Variants in PCDHGC3 observed in about 807,000 individuals in gnomAD.
The protein encoded by PCDHGC3 is protocadherin gamma-C3.
A neutral mutation model predicts 59.2 loss-of-function variants in PCDHGC3; 26 were observed. The ratio of observed to expected loss-of-function variants is 0.44; its 90% CI spans 0.32 to 0.61. The LOEUF is 0.61. Ranked by LOEUF, PCDHGC3 falls within the 20% of genes least tolerant of loss-of-function variation. PCDHGC3 has a pLI of 0.05. For synonymous variants in PCDHGC3, 487 were observed against 519.7 expected, an observed-to-expected ratio of 0.94 and a Z score of 0.86; for missense variants, 1,080 against 1,221.8, an observed-to-expected ratio of 0.88 and a Z score of 1.73.
rs769074023 is a variant in PCDHGC3, at chr5:141,491,738, G to A, written c.2431-3069G>A. ...GCGCCGCCCCGGGCGACCCCTGGGG[G>A]CGGCACTGGAGAAGCCGCCCGTCCT... On this transcript the variant is annotated intron_variant, in intron 1 of 3. Transcript: ENST00000308177. The surrounding 1 kb of genome is among the most constrained non-coding windows in gnomAD (Gnocchi z 6.9). 6.2e-7 allele frequency: 1 copy of A among 1,600,346 alleles called. No homozygotes were observed. The highest frequency in any genetic ancestry group is 8.5e-7 in the Non-Finnish European group (1 of 1,174,196).
At position 141,490,219 on chromosome 5, in the gene PCDHGC3, C is replaced by T. The variant is rs771985398; in HGVS notation, c.2431-4588C>T. 2.5e-5 allele frequency: 41 copies of T among 1,614,094 alleles called. No individual in the cohort carries two copies. The highest frequency in any genetic ancestry group is 3.3e-5 in the Non-Finnish European group (39 of 1,180,038). On this transcript the variant is annotated intron_variant, in intron 1 of 3. Coordinates refer to ENST00000308177, the MANE Select transcript of PCDHGC3 (RefSeq NM_002588.4). This position sits in a 1 kb window ranked among gnomAD's most constrained non-coding sequence, Gnocchi z 5.4. ...TCATGCAAGAGCCCGTGACCAGGGA[C>T]AGCCTGCCATGGAGGGCCACTGTGT... is the stretch of plus-strand genomic sequence containing the variant.
intron 1 of PCDHGC3, among the ~76,000 whole-genome samples, chr5:141,480,408 C>A (rs371569489): frequency 7.2e-6 from 1 of 138,932 alleles, no homozygotes; most frequent in African/African-American, 2.9e-5. Flanking sequence ...GAGTGAGACC[C>A]TGTCTCAAAA....
intron 2 of PCDHGC3, among the ~76,000 whole-genome samples, chr5:141,498,971 G>GGGAAGGAAGGAAGGAAGGAAGGAAGGAA (rs201769957): frequency 9.0e-6 from 1 of 110,972 alleles, no homozygotes; most frequent in Non-Finnish European, 1.8e-5. Flanking sequence ...GAGGGAGGGA[G>GGGAAGGAAGGAAGGAAGGAAGGAAGGAA]GGAAGGAAGG....
At chr5:141,509,692 C>T (rs755446680) in intron 3 of PCDHGC3, among the ~76,000 whole-genome samples, 8 of 152,126 alleles carry the variant, frequency 5.3e-5, no homozygotes, top group Non-Finnish European at 1.0e-4. Context: ...TACAGTGGGA[C>T]GTTGGACTGG....
chr5:141,499,423 G>GA (rs1229901490), intron 2 of PCDHGC3, among the ~76,000 whole-genome samples: 1 of 151,754 alleles, frequency 6.6e-6, no homozygotes, highest in Non-Finnish European at 1.5e-5. Flanking sequence ...ATGAAAAATA[G>GA]AAAAAAAATT....
At position 141,481,880 on chromosome 5, in the gene PCDHGC3, C is replaced by T. The variant is rs555652518; in HGVS notation, c.2430+3334C>T. Among the ~76,000 whole-genome samples, 5 of 145,406 alleles carry T rather than the reference C, an allele frequency of 3.4e-5. No individual in the cohort carries two copies. The East Asian group carries it at 1.0e-3, about 29-fold the overall frequency. On this transcript the variant is annotated intron_variant, in intron 1 of 3. Transcript: ENST00000308177. ...AGTGAGCCGAGATCGCGCCACTGCA[C>T]TCCAGCCTGGGTGAAAGAGCGAAAC...
Position 141,476,876 on chromosome 5 carries a change from C to A in PCDHGC3, c.760C>A (p.Leu254Met), listed in dbSNP as rs1201654822. 1.2e-6 allele frequency: 2 copies of A among 1,613,994 alleles called. No individual in the cohort carries two copies. Among genetic ancestry groups the A allele is most frequent in the Non-Finnish European group, 1.7e-6 (2 of 1,180,048 alleles). ...CCAGTCCTTGTACCGGGCGCGCGTC[C>A]TGGAGGATGCACCCTCCGGCACGCG... The part of the protein sequence containing the change: ...FNQSLYRARV[L>M]EDAPSGTRVV... The change falls in exon 1 of 4, where the codon CTG becomes ATG. Residue 254 changes from leucine to methionine, a missense_variant. Leu to Met is a conservative substitution (Grantham distance 15). Transcript: ENST00000308177. The surrounding 1 kb of genome is among the most constrained non-coding windows in gnomAD (Gnocchi z 7.6).
At chr5:141,501,866 C>T (rs1193396289) in intron 2 of PCDHGC3, among the ~76,000 whole-genome samples, 4 of 152,108 alleles carry the variant, frequency 2.6e-5, no homozygotes, top group South Asian at 2.1e-4. Context: ...TTTCCCAGGA[C>T]GCCTCCTTAC....
Position 141,490,876 on chromosome 5 carries a change from G to T in PCDHGC3, c.2431-3931G>T. On this transcript the variant is annotated intron_variant, in intron 1 of 3. Coordinates refer to ENST00000308177, the MANE Select transcript of PCDHGC3 (RefSeq NM_002588.4). The surrounding 1 kb of genome is among the most constrained non-coding windows in gnomAD (Gnocchi z 5.4). Reference sequence around the variant, plus strand: ...AGACTCCGGCTCTCCCCCATTGCATGCCAACACATCTCTGCATGTGTTTGT... The same window carrying T: ...AGACTCCGGCTCTCCCCCATTGCATTCCAACACATCTCTGCATGTGTTTGT... 6.2e-7 allele frequency: 1 copy of T among 1,613,840 alleles called. No homozygotes were observed. The highest frequency in any genetic ancestry group is 8.5e-7 in the Non-Finnish European group (1 of 1,179,894).
rs1456184444 is a variant in PCDHGC3, at chr5:141,512,578, C to G, written c.*1405C>G. ...ATAGACCTTCTTCTCCCACCCCCTT[C>G]TGCCCCTGGGTCCCCGGCCATCCAG... On this transcript the variant is annotated 3_prime_UTR_variant, in exon 4 of 4. Coordinates refer to ENST00000308177, the MANE Select transcript of PCDHGC3 (RefSeq NM_002588.4). The G allele has an allele frequency of 6.5e-6, 1 of 153,062 alleles. No individual in the cohort carries two copies. The highest frequency in any genetic ancestry group is 1.5e-5 in the Non-Finnish European group (1 of 68,534). 9.5% of individuals were successfully genotyped at this position (153,062 alleles called of 1,614,324 possible). A position where few individuals can be genotyped will look rare whatever the true frequency, so the allele number is the denominator to read the frequency against.
chr5:141,476,601 C>A lies in PCDHGC3; in HGVS notation c.485C>A (p.Pro162His). Residue 162 changes from proline to histidine, a missense_variant, in exon 1 of 4, where the codon CCC (proline) becomes CAC (histidine). Pro to His is a moderately conservative substitution (Grantham distance 77). Coordinates refer to ENST00000308177, the MANE Select transcript of PCDHGC3 (RefSeq NM_002588.4). The surrounding 1 kb of genome is among the most constrained non-coding windows in gnomAD (Gnocchi z 7.6). Reference protein sequence around the residue: ...TRFPLESAHDPDVGSNSLQTY... With the variant: ...TRFPLESAHDHDVGSNSLQTY... ...TTTCCGCTCGAGAGCGCGCACGATC[C>A]CGATGTGGGAAGCAACTCTTTACAA... The A allele has an allele frequency of 6.2e-7, 1 of 1,614,228 alleles. No homozygotes were observed. The highest frequency in any genetic ancestry group is 2.2e-5 in the East Asian group (1 of 44,878).
intron 2 of PCDHGC3, among the ~76,000 whole-genome samples, chr5:141,502,472 A>G (rs1450967250): frequency 1.3e-5 from 2 of 150,886 alleles, no homozygotes; most frequent in Non-Finnish European, 2.9e-5. Flanking sequence ...TACTTCCCGC[A>G]GCATCACACT....
chr5:141,487,595 G>C lies in PCDHGC3; in HGVS notation c.2431-7212G>C. ...TGTTCGCCCAAGCTGCCCACCCTCT[G>C]ATCTTCTCTATGGGCTAGAGGTGAG... On this transcript the variant is annotated intron_variant, in intron 1 of 3. Coordinates refer to ENST00000308177, the MANE Select transcript of PCDHGC3 (RefSeq NM_002588.4). The surrounding 1 kb of genome is among the most constrained non-coding windows in gnomAD (Gnocchi z 5.0). 1 of 1,614,202 alleles carries C rather than the reference G, an allele frequency of 6.2e-7. No homozygotes were observed. The highest frequency in any genetic ancestry group is 8.5e-7 in the Non-Finnish European group (1 of 1,180,038).
chr5:141,488,815 T>A (rs769851687), intron 1 of PCDHGC3, among the ~76,000 whole-genome samples: 30 of 152,144 alleles, frequency 2.0e-4, no homozygotes, highest in Non-Finnish European at 4.1e-4. Context: ...ATCTGAGCTG[T>A]CAAACTTTGC....
Position 141,476,208 on chromosome 5 carries a change from C to T in PCDHGC3, c.92C>T (p.Thr31Met), listed in dbSNP as rs1266601125. The T allele has an allele frequency of 6.2e-7, 1 of 1,613,794 alleles. No homozygotes were observed. The part of the protein sequence containing the change: ...LLLGALNKAS[T>M]VIHYEIPEER... ...CTTGGTGCCTTGAACAAGGCTTCCA[C>T]GGTCATTCACTATGAGATCCCGGAG... The change falls in exon 1 of 4, where the codon ACG becomes ATG. Residue 31 changes from threonine (T) to methionine (M), a missense_variant. Physicochemically the swap from Thr to Met is moderately conservative, Grantham distance 81. Coordinates refer to ENST00000308177, the MANE Select transcript of PCDHGC3 (RefSeq NM_002588.4). The surrounding 1 kb of genome is among the most constrained non-coding windows in gnomAD (Gnocchi z 7.6).
intron 3 of PCDHGC3, 67 bp from the exon 4 acceptor site, chr5:141,510,880 G>A (rs373993657): frequency 1.9e-6 from 3 of 1,611,784 alleles, no homozygotes; most frequent in Admixed American, 3.3e-5. Context: ...AACTGCTGGG[G>A]ATATAAGACA....
In PCDHGC3 at chr5:141,510,932, CCT is replaced by C. The variant is rs753455267; in HGVS notation, c.2579-12_2579-11del. 6 of 1,613,998 alleles carry C rather than the reference CCT, an allele frequency of 3.7e-6. No homozygotes were observed. The highest frequency in any genetic ancestry group is 1.1e-5 in the South Asian group (1 of 91,082). ...CTAAGTTTAGCTCCCACCTGATCTTCCTCTGTCTCTGCAGAAGCTGCTGATGG... is the reference window on the plus strand; with the variant it reads ...CTAAGTTTAGCTCCCACCTGATCTTCCTGTCTCTGCAGAAGCTGCTGATGG... On this transcript the variant is annotated splice_polypyrimidine_tract_variant and intron_variant, in intron 3 of 3. Coordinates refer to ENST00000308177, the MANE Select transcript of PCDHGC3 (RefSeq NM_002588.4).
Position 141,511,579 on chromosome 5 carries a change from G to T in PCDHGC3, c.*406G>T. The T allele has an allele frequency of 3.6e-6, 1 of 280,798 alleles. No individual in the cohort carries two copies. Among genetic ancestry groups the T allele is most frequent in the South Asian group, 4.1e-5 (1 of 24,614 alleles). 17.4% of individuals were successfully genotyped at this position (280,798 alleles called of 1,614,324 possible). On this transcript the variant is annotated 3_prime_UTR_variant, in exon 4 of 4. Transcript: ENST00000308177. Reference sequence around the variant, plus strand: ...CCTCTTTCCCGAGTAAGGTGGTTGGGGTGTTGAAGTACCAAGTAACCTACA... The same window carrying T: ...CCTCTTTCCCGAGTAAGGTGGTTGGTGTGTTGAAGTACCAAGTAACCTACA...
In PCDHGC3 at chr5:141,489,456, G is replaced by A. The variant is rs1468723020; in HGVS notation, c.2431-5351G>A. The A allele has an allele frequency of 1.2e-6, 2 of 1,614,050 alleles. No homozygotes were observed. Among genetic ancestry groups the A allele is most frequent in the Non-Finnish European group, 1.7e-6 (2 of 1,180,016 alleles). ...TGCAATTGGGCTCTGAGGAGAATGG[G>A]CGCTATTTTTCCCTGAGCTTGATGA... On this transcript the variant is annotated intron_variant, in intron 1 of 3. Transcript: ENST00000308177. This position sits in a 1 kb window ranked among gnomAD's most constrained non-coding sequence, Gnocchi z 4.5.
Sources: allele counts gnomAD v4.1 joint callset (sites outside exome capture counted in the v4.1 genomes callset), GRCh38; gene constraint gnomAD v4.1.1; non-coding constraint Gnocchi (gnomAD v3.1); transcripts MANE v1.5; gene names NCBI Gene and HGNC (gene_info 2026-07-23, HGNC 2026-07-21).